The following PCDHGA8 variants were observed in gnomAD, a reference collection of about 807,000 sequenced individuals.
The protein encoded by PCDHGA8 is protocadherin gamma subfamily A, 8, also known as protocadherin gamma-A8.
In PCDHGA8, 45 loss-of-function variants were observed where a neutral mutation model predicts 59.2. The ratio of observed to expected loss-of-function variants is 0.76; its 90% CI spans 0.60 to 0.98. PCDHGA8 has a LOEUF of 0.98. PCDHGA8 is among the 50% of genes least tolerant of loss of function. The pLI, the probability that PCDHGA8 is intolerant of heterozygous loss-of-function variation, is 0.00. For missense variants in PCDHGA8, 1,257 were observed against 1,196.2 expected (o/e 1.05, Z -0.75); for synonymous variants, 531 against 519.0 (o/e 1.02, Z -0.32).
chr5:141,421,855 C>T (rs1329066630), intron 1 of PCDHGA8: 1 of 1,613,764 alleles, frequency 6.2e-7, no homozygotes, highest in East Asian at 2.2e-5. Context: ...GGCTGCTCAC[C>T]TGCTCCTCCT....
chr5:141,422,052 CG>C (rs1282698929), intron 1 of PCDHGA8: 1 of 1,611,298 alleles, frequency 6.2e-7, no homozygotes, highest in South Asian at 1.1e-5. Context: ...AGGGAATCAA[CG>C]GGGAAGTAAT....
Position 141,421,312 on chromosome 5 carries a change from G to A in PCDHGA8, c.2424+26075G>A, listed in dbSNP as rs375071225. ...CCTGGGGACGCTGCGGGGGTTCCGGGCCAGGCAGATCCGATATTCGGTGCC... is the reference window on the plus strand; with the variant it reads ...CCTGGGGACGCTGCGGGGGTTCCGGACCAGGCAGATCCGATATTCGGTGCC... On this transcript the variant is annotated intron_variant, in intron 1 of 3. Coordinates refer to ENST00000398604, the MANE Select transcript of PCDHGA8 (RefSeq NM_032088.2). The A allele has an allele frequency of 1.9e-5, 31 of 1,613,630 alleles. No homozygotes were observed. The highest frequency in any genetic ancestry group is 1.4e-5 in the Non-Finnish European group (17 of 1,179,886).
chr5:141,438,617 TATATATATATATATATATACACAC>T (rs1311176771), intron 1 of PCDHGA8, among the ~76,000 whole-genome samples: 58 of 37,154 alleles, frequency 1.6e-3, no homozygotes, highest in African/African-American at 7.8e-3. Flanking sequence ...TATATATATA[TATATATATATATATATATACACAC>T]ACACACACAC....
At chr5:141,438,591 CATATATATATATATATATATAT>C (rs946798767) in intron 1 of PCDHGA8, among the ~76,000 whole-genome samples, 1 of 75,562 alleles carries the variant, frequency 1.3e-5, no homozygotes, top group Middle Eastern at 7.4e-3. Context: ...TACATACATA[CATATATATATATATATATATAT>C]ATATATATAT....
intron 1 of PCDHGA8, among the ~76,000 whole-genome samples, chr5:141,445,937 A>C (rs2098482193): frequency 6.6e-6 from 1 of 152,202 alleles, no homozygotes; most frequent in African/African-American, 2.4e-5. Flanking sequence ...TGAATTATTA[A>C]GCTTACTCTG....
Position 141,477,286 on chromosome 5 carries a change from A to G in PCDHGA8, c.2425-17521A>G, listed in dbSNP as rs1367207950. 1.9e-6 allele frequency: 3 copies of G among 1,614,194 alleles called. No individual in the cohort carries two copies. Among genetic ancestry groups the G allele is most frequent in the Non-Finnish European group, 8.5e-7 (1 of 1,180,034 alleles). ...GCGAGAACGGGCTGGTGACCTGCGA[A>G]GTTCCACCGGGTCTCCCTTTCAGCC... On this transcript the variant is annotated intron_variant, in intron 1 of 3. Coordinates refer to ENST00000398604, the MANE Select transcript of PCDHGA8 (RefSeq NM_032088.2). The surrounding 1 kb of genome is among the most constrained non-coding windows in gnomAD (Gnocchi z 4.9).
At chr5:141,507,283 G>T (rs917383969) in intron 3 of PCDHGA8, 2 of 150,498 alleles carry the variant, frequency 1.3e-5, no homozygotes, top group Non-Finnish European at 2.9e-5. Context: ...GCATAAGTCA[G>T]TCTCAAATGT....
intron 1 of PCDHGA8, among the ~76,000 whole-genome samples, chr5:141,407,088 G>T (rs955657125): frequency 4.6e-5 from 7 of 152,058 alleles, no homozygotes; most frequent in African/African-American, 1.7e-4. Context: ...ATGAAGAATT[G>T]TTTTATTTGT....
rs773624580 is a variant in PCDHGA8 at position 141,489,715 on chromosome 5, G to A, written c.2425-5092G>A. On this transcript the variant is annotated intron_variant, in intron 1 of 3. Transcript: ENST00000398604. The surrounding 1 kb of genome is among the most constrained non-coding windows in gnomAD (Gnocchi z 4.5). ...ACGATTCCCACTGGACAGTGCCCAG[G>A]ATCCGGATGTGGGCACCAATACTGT... The A allele has an allele frequency of 6.2e-6, 10 of 1,614,004 alleles. No homozygotes were observed. The highest frequency in any genetic ancestry group is 2.2e-5 in the East Asian group (1 of 44,886).
chr5:141,462,512 A>C (rs1169461013), intron 1 of PCDHGA8, among the ~76,000 whole-genome samples: 1 of 152,106 alleles, frequency 6.6e-6, no homozygotes, highest in Non-Finnish European at 1.5e-5. Flanking sequence ...AACTAGATCA[A>C]GTTAGTAAGA....
At chr5:141,467,393 T>C (rs1409255781) in intron 1 of PCDHGA8, among the ~76,000 whole-genome samples, 3 of 152,124 alleles carry the variant, frequency 2.0e-5, no homozygotes, top group African/African-American at 7.2e-5. Flanking sequence ...TTTTAAGTCA[T>C]AGTTAGAAAG....
intron 1 of PCDHGA8, among the ~76,000 whole-genome samples, chr5:141,483,613 C>A (rs2099583607): frequency 6.6e-6 from 1 of 151,914 alleles, no homozygotes; most frequent in South Asian, 2.1e-4. Context: ...ACACCTCCAT[C>A]ATTCCCATGG....
Position 141,485,618 on chromosome 5 carries a change from G to A in PCDHGA8, c.2425-9189G>A, listed in dbSNP as rs2099616729. 2.5e-6 allele frequency: 4 copies of A among 1,612,092 alleles called. No individual in the cohort carries two copies. Among genetic ancestry groups the A allele is most frequent in the Non-Finnish European group, 3.4e-6 (4 of 1,178,672 alleles). On this transcript the variant is annotated intron_variant, in intron 1 of 3. Coordinates refer to ENST00000398604, the MANE Select transcript of PCDHGA8 (RefSeq NM_032088.2). This position sits in a 1 kb window ranked among gnomAD's most constrained non-coding sequence, Gnocchi z 5.7. The stretch of plus-strand genomic sequence containing the variant: ...GGAAATTGGGGAGGCAGCTCCTCCA[G>A]GACAGCGTTTCCCGTTGGAAAAGGC...
At position 141,489,728 on chromosome 5, in the gene PCDHGA8, G is replaced by T; in HGVS notation, c.2425-5079G>T. ...GACAGTGCCCAGGATCCGGATGTGGGCACCAATACTGTGAGCTTTTACACT... is the reference window on the plus strand; with the variant it reads ...GACAGTGCCCAGGATCCGGATGTGGTCACCAATACTGTGAGCTTTTACACT... On this transcript the variant is annotated intron_variant, in intron 1 of 3. Transcript: ENST00000398604. The surrounding 1 kb of genome is among the most constrained non-coding windows in gnomAD (Gnocchi z 4.5). The T allele has an allele frequency of 3.1e-6, 5 of 1,614,138 alleles. No homozygotes were observed. The South Asian group carries it at 5.5e-5, about 18-fold the overall frequency.
chr5:141,507,619 G>T (rs1237918589), intron 3 of PCDHGA8, among the ~76,000 whole-genome samples: 22 of 152,256 alleles, frequency 1.4e-4, no homozygotes, highest in Admixed American at 1.4e-3. Context: ...ATATTTAGCT[G>T]TTGTGGCCTT....
chr5:141,487,032 C>T lies in PCDHGA8; in HGVS notation c.2425-7775C>T. 6.2e-7 allele frequency: 1 copy of T among 1,614,210 alleles called. No individual in the cohort carries two copies. The highest frequency in any genetic ancestry group is 1.1e-5 in the South Asian group (1 of 91,084). ...GAGGCCCCAGATCCCAGCCTGTTTG[C>T]AGTCTCTCGATATGCTGGGGAGGTG... On this transcript the variant is annotated intron_variant, in intron 1 of 3. Coordinates refer to ENST00000398604, the MANE Select transcript of PCDHGA8 (RefSeq NM_032088.2). The surrounding 1 kb of genome is among the most constrained non-coding windows in gnomAD (Gnocchi z 5.0).
At chr5:141,475,980 C>T (rs758066578) in intron 1 of PCDHGA8, 45 of 1,028,498 alleles carry the variant, frequency 4.4e-5, no homozygotes, top group Non-Finnish European at 6.2e-5. Flanking sequence ...ACTGAACAGC[C>T]GGCGAGCAAA....
At chr5:141,443,209 C>T (rs1183847804) in intron 1 of PCDHGA8, among the ~76,000 whole-genome samples, 2 of 152,030 alleles carry the variant, frequency 1.3e-5, no homozygotes, top group African/African-American at 2.4e-5. Flanking sequence ...GAGCTTGTCT[C>T]GCCAGGCGCA....
intron 1 of PCDHGA8, among the ~76,000 whole-genome samples, chr5:141,459,014 T>G (rs1429233660): frequency 6.6e-6 from 1 of 152,240 alleles, no homozygotes; most frequent in Non-Finnish European, 1.5e-5. Flanking sequence ...ATTACAGGCA[T>G]GAGCCACCAC....
Sources: gnomAD v4.1 joint callset for allele counts (sites outside exome capture counted in the v4.1 genomes callset) on GRCh38, gnomAD v4.1.1 for gene constraint, Gnocchi (gnomAD v3.1) non-coding constraint, MANE v1.5 for transcripts, NCBI Gene and HGNC (gene_info 2026-07-23, HGNC 2026-07-21) for gene names.